CSGALNACT1: variants seen among roughly 807,000 people sequenced by gnomAD.
CSGALNACT1 encodes the protein chondroitin sulfate N-acetylgalactosaminyltransferase 1.
A neutral mutation model predicts 51.0 loss-of-function variants in CSGALNACT1; 52 were observed. The observed-to-expected ratio is 1.02, with a 90% CI of 0.82 to 1.29. The LOEUF (loss-of-function observed/expected upper bound fraction) is 1.29, where lower values mean the gene tolerates loss of function less well. CSGALNACT1 is among the 50% of genes most tolerant of loss of function. The pLI, the probability that CSGALNACT1 is intolerant of heterozygous loss-of-function variation, is 0.00. For missense variants in CSGALNACT1, 935 were observed against 679.2 expected (o/e 1.38, Z -4.19); for synonymous variants, 341 against 254.4 (o/e 1.34, Z -3.24).
intron 1 of CSGALNACT1, among the ~76,000 whole-genome samples, chr8:19,657,060 C>G (rs2058342801): frequency 8.9e-6 from 1 of 112,688 alleles, no homozygotes; most frequent in South Asian, 2.7e-4. Flanking sequence ...AAGACTCCAT[C>G]TCATTAAAAA....
At chr8:19,501,047 C>T (rs1346816251) in intron 4 of CSGALNACT1, among the ~76,000 whole-genome samples, 10 of 152,100 alleles carry the variant, frequency 6.6e-5, no homozygotes, top group Non-Finnish European at 7.4e-5. Flanking sequence ...GTCAGGAGTT[C>T]GAGACCAGCC....
chr8:19,416,393 G>A (rs559057090), intron 8 of CSGALNACT1, among the ~76,000 whole-genome samples: 1 of 152,180 alleles, frequency 6.6e-6, no homozygotes, highest in African/African-American at 2.4e-5. Context: ...GATTACAGGT[G>A]TGGGCCACCA....
At chr8:19,560,393 C>A (rs13263246) in intron 3 of CSGALNACT1, among the ~76,000 whole-genome samples, 19,401 of 152,102 alleles carry the variant, frequency 0.13, 1,617 homozygotes, top group African/African-American at 0.24. Context: ...ACGAATATGA[C>A]TACATCAAAA....
In CSGALNACT1 at chr8:19,660,504, T is replaced by C. The variant is rs568603675; in HGVS notation, c.-544+21969A>G. Among the ~76,000 whole-genome samples the C allele has an allele frequency of 2.0e-5, 3 of 152,216 alleles. No individual in the cohort carries two copies. The South Asian group carries it at 6.2e-4, about 32-fold the overall frequency. Reference sequence around the variant, plus strand: ...TCTAGAAGATTATCATCTTCAAAAATTGGGAGGAATACCAATGCTTTGCCG... The same window carrying C: ...TCTAGAAGATTATCATCTTCAAAAACTGGGAGGAATACCAATGCTTTGCCG... On this transcript the variant is annotated intron_variant, in intron 1 of 9. Coordinates refer to the CSGALNACT1 transcript ENST00000332246.
At chr8:19,613,022 T>A (rs2052507674) in intron 1 of CSGALNACT1, among the ~76,000 whole-genome samples, 1 of 144,190 alleles carries the variant, frequency 6.9e-6, no homozygotes, top group Non-Finnish European at 1.5e-5. Context: ...GAACAACTTG[T>A]CTCATGAATT....
At chr8:19,738,545 G>A (rs929359010) in intron 1 of CSGALNACT1, among the ~76,000 whole-genome samples, 3 of 152,116 alleles carry the variant, frequency 2.0e-5, no homozygotes, top group African/African-American at 7.2e-5. Flanking sequence ...AAGTTCAGGA[G>A]ATGAACATTC....
At chr8:19,472,498 G>A (rs2068427551) in intron 4 of CSGALNACT1, among the ~76,000 whole-genome samples, 1 of 152,188 alleles carries the variant, frequency 6.6e-6, no homozygotes, top group Non-Finnish European at 1.5e-5. Flanking sequence ...TCTTGATTTT[G>A]AAGTATCTTT....
intron 1 of CSGALNACT1, among the ~76,000 whole-genome samples, chr8:19,667,023 GGA>G (rs2059393845): frequency 3.1e-5 from 1 of 32,190 alleles, no homozygotes; most frequent in African/African-American, 2.2e-4. Context: ...AAGAAAGGAA[GGA>G]AGGAAGGAAG....
chr8:19,566,429 A>C (rs2041920533), intron 3 of CSGALNACT1, among the ~76,000 whole-genome samples: 1 of 152,190 alleles, frequency 6.6e-6, no homozygotes, highest in Non-Finnish European at 1.5e-5. Flanking sequence ...TGTTAAAACC[A>C]TAAGGTTAAA....
At chr8:19,603,047 TACACACACACACAC>T (rs5889877), upstream of CSGALNACT1, among the ~76,000 whole-genome samples, 1,222 of 123,108 alleles carry the variant, frequency 9.9e-3, 15 homozygotes, top group African/African-American at 0.033. Flanking sequence ...ACTGTGTGTA[TACACACACACACAC>T]ACACACACAC....
At chr8:19,449,638 A>C (rs1462341638) in intron 5 of CSGALNACT1, among the ~76,000 whole-genome samples, 1 of 152,222 alleles carries the variant, frequency 6.6e-6, no homozygotes, top group East Asian at 1.9e-4. Context: ...TAGAAAATTC[A>C]AGTACAAGAT....
intron 5 of CSGALNACT1, among the ~76,000 whole-genome samples, chr8:19,452,172 T>C (rs1262429514): frequency 9.2e-5 from 14 of 152,190 alleles, no homozygotes; most frequent in Admixed American, 7.9e-4. Context: ...CTGTGGCTCC[T>C]GGCCCCACTG....
chr8:19,719,146 A>AGTTG (rs2062977858), intron 1 of CSGALNACT1, among the ~76,000 whole-genome samples: 1 of 152,158 alleles, frequency 6.6e-6, no homozygotes, highest in Non-Finnish European at 1.5e-5. Context: ...CACTATACAA[A>AGTTG]ACAGTAACTT....
intron 3 of CSGALNACT1, among the ~76,000 whole-genome samples, chr8:19,515,551 C>CA (rs1190315075): frequency 6.6e-6 from 1 of 151,958 alleles, no homozygotes; most frequent in Non-Finnish European, 1.5e-5. Context: ...AAGTGTAAAT[C>CA]AAAAAAATAA....
intron 3 of CSGALNACT1, among the ~76,000 whole-genome samples, chr8:19,528,674 T>A (rs1165194044): frequency 6.6e-6 from 1 of 152,150 alleles, no homozygotes; most frequent in Admixed American, 6.5e-5. Flanking sequence ...CCCAAATCTG[T>A]ATGATGGGTT....
At chr8:19,463,141 G>C (rs1177995094) in intron 4 of CSGALNACT1, among the ~76,000 whole-genome samples, 1 of 131,432 alleles carries the variant, frequency 7.6e-6, no homozygotes, top group African/African-American at 2.5e-5. Context: ...TTACTCCAAA[G>C]AACATGATTT....
intron 3 of CSGALNACT1, among the ~76,000 whole-genome samples, chr8:19,514,573 T>G (rs2079149032): frequency 6.9e-6 from 1 of 144,842 alleles, no homozygotes; most frequent in African/African-American, 2.6e-5. Flanking sequence ...GTAATCCTAG[T>G]GCTTAGGGAG....
intron 4 of CSGALNACT1, among the ~76,000 whole-genome samples, chr8:19,464,998 T>C (rs562798297): frequency 1.3e-5 from 2 of 152,196 alleles, no homozygotes; most frequent in Non-Finnish European, 2.9e-5. Flanking sequence ...TCTAGGTCTA[T>C]ATCCCAAAGA....
intron 1 of CSGALNACT1, among the ~76,000 whole-genome samples, chr8:19,702,283 G>A (rs2061922826): frequency 6.6e-6 from 1 of 152,080 alleles, no homozygotes; most frequent in Non-Finnish European, 1.5e-5. Context: ...CCAATGCTTT[G>A]GGAGGCTGAG....
Sources: allele counts gnomAD v4.1 joint callset (sites outside exome capture counted in the v4.1 genomes callset), GRCh38; gene constraint gnomAD v4.1.1; transcripts MANE v1.5; gene names NCBI Gene and HGNC (gene_info 2026-07-23, HGNC 2026-07-21).